The following UBE2E2 variants were observed in gnomAD, a reference collection of about 807,000 sequenced individuals.
The protein encoded by UBE2E2 is ubiquitin-conjugating enzyme E2 E2.
In UBE2E2, 6 loss-of-function variants were observed where a neutral mutation model predicts 24.7. The observed-to-expected ratio is 0.24, with a 90% CI of 0.13 to 0.48. The LOEUF is 0.48. Among genes scored for constraint, UBE2E2 ranks in the 20% least tolerant of loss-of-function variants. The pLI is 0.99. For synonymous variants in UBE2E2, 104 were observed against 83.6 expected, an observed-to-expected ratio of 1.24 and a Z score of -1.33; for missense variants, 169 against 245.0, an observed-to-expected ratio of 0.69 and a Z score of 2.07.
chr3:23,552,253 C>T (rs1007937755), intron 5 of UBE2E2, among the ~76,000 whole-genome samples: 2 of 152,116 alleles, frequency 1.3e-5, no homozygotes, highest in African/African-American at 2.4e-5. Context: ...ACTCGGAGGC[C>T]AAGGTAGAAA....
At chr3:23,384,808 T>C (rs925537324) in intron 3 of UBE2E2, among the ~76,000 whole-genome samples, 1 of 152,244 alleles carries the variant, frequency 6.6e-6, no homozygotes, top group Non-Finnish European at 1.5e-5. Context: ...CCAAAAGTGC[T>C]GGGATTACAG....
At chr3:23,565,074 T>C (rs1390890472) in intron 5 of UBE2E2, among the ~76,000 whole-genome samples, 1 of 151,844 alleles carries the variant, frequency 6.6e-6, no homozygotes, top group Non-Finnish European at 1.5e-5. Flanking sequence ...GTAAACAATA[T>C]ACACACACAC....
chr3:23,422,268 G>A (rs1466147215), intron 3 of UBE2E2, among the ~76,000 whole-genome samples: 2 of 152,134 alleles, frequency 1.3e-5, no homozygotes, highest in African/African-American at 4.8e-5. Context: ...TAGAGAGTAG[G>A]AGGTAAGTTG....
At chr3:23,430,569 C>T (rs1346655234) in intron 3 of UBE2E2, among the ~76,000 whole-genome samples, 3 of 151,930 alleles carry the variant, frequency 2.0e-5, no homozygotes, top group South Asian at 2.1e-4. Context: ...CACTCTGTCA[C>T]CCAGACTGAA....
At chr3:23,501,045 G>A (rs1257230283) in intron 4 of UBE2E2, among the ~76,000 whole-genome samples, 1 of 152,022 alleles carries the variant, frequency 6.6e-6, no homozygotes, top group Non-Finnish European at 1.5e-5. Context: ...TTTACTGGAT[G>A]GGACCCTTAT....
intron 3 of UBE2E2, among the ~76,000 whole-genome samples, chr3:23,346,577 A>T (rs1374821181): frequency 6.6e-6 from 1 of 152,242 alleles, no homozygotes; most frequent in Non-Finnish European, 1.5e-5. Context: ...TTCACTAAAG[A>T]CTGTGTAATG....
Position 23,591,104 on chromosome 3 carries a change from A to T in UBE2E2, c.*1273A>T, listed in dbSNP as rs1018727075. On this transcript the variant is annotated 3_prime_UTR_variant, in exon 6 of 6. Coordinates refer to ENST00000396703, the MANE Select transcript of UBE2E2 (RefSeq NM_152653.4). ...GTCTGTCTGGCTTCACCTTCAGGCTATTTTAGTGTGCAGCTATAGGAGGCA... is the reference window on the plus strand; with the variant it reads ...GTCTGTCTGGCTTCACCTTCAGGCTTTTTTAGTGTGCAGCTATAGGAGGCA... 1 of 152,164 alleles carries T rather than the reference A, an allele frequency of 6.6e-6. No individual in the cohort carries two copies. Among genetic ancestry groups the T allele is most frequent in the African/African-American group, 2.4e-5 (1 of 41,424 alleles). 9.4% of individuals were successfully genotyped at this position (152,164 alleles called of 1,614,324 possible).
chr3:23,286,670 T>C lies in UBE2E2; in HGVS notation c.227+69358T>C, dbSNP rs114713693. Among the ~76,000 whole-genome samples, 559 of 152,326 alleles carry C rather than the reference T, an allele frequency of 3.7e-3. 4 individuals are homozygous for C. Among genetic ancestry groups the C allele is most frequent in the African/African-American group, 0.013 (534 of 41,582 alleles). The stretch of plus-strand genomic sequence containing the variant: ...TTCCATACACATTTTAGGATTACTT[T>C]TTCTGTTTCTGTGGAGAATGTCGTT... On this transcript the variant is annotated intron_variant, in intron 3 of 5. Coordinates refer to ENST00000396703, the MANE Select transcript of UBE2E2 (RefSeq NM_152653.4).
chr3:23,271,136 T>C (rs1698229940), intron 3 of UBE2E2: 1 of 424,230 alleles, frequency 2.4e-6, no homozygotes. Flanking sequence ...TGTATTCTAA[T>C]GGACCTTCAA....
At chr3:23,338,519 A>C (rs948188993) in intron 3 of UBE2E2, among the ~76,000 whole-genome samples, 3 of 152,194 alleles carry the variant, frequency 2.0e-5, no homozygotes, top group African/African-American at 7.2e-5. Flanking sequence ...AGCTCCAGTC[A>C]ATACACCCAG....
chr3:23,218,501 A>C lies in UBE2E2; in HGVS notation c.227+1189A>C, dbSNP rs1482256429. Among the ~76,000 whole-genome samples the C allele has an allele frequency of 2.0e-5, 3 of 152,096 alleles. No individual in the cohort carries two copies. In the East Asian group the frequency reaches 5.8e-4, roughly 29 times the overall value. On this transcript the variant is annotated intron_variant, in intron 3 of 5. Transcript: ENST00000396703. ...TTGTGGAAAAACCCCAGTTTGAATT[A>C]AACCTAACATCCTTTGTTTCTTAGG...
rs912486444 is a variant in UBE2E2 at position 23,590,982 on chromosome 3, T to C, written c.*1151T>C. 6.6e-6 allele frequency: 1 copy of C among 152,264 alleles called. No homozygotes were observed. The highest frequency in any genetic ancestry group is 1.9e-4 in the East Asian group (1 of 5,204). The allele number at this position is 152,264 out of a possible 1,614,324, so 9.4% of individuals were successfully genotyped here. A position where few individuals can be genotyped will look rare whatever the true frequency, so the allele number is the denominator to read the frequency against. On this transcript the variant is annotated 3_prime_UTR_variant, in exon 6 of 6. Transcript: ENST00000396703. ...TTTGTATTGTTCATTTTTGTTGTTG[T>C]TGTTGTTGTTGTTGCTGCTCTTTTT...
intron 3 of UBE2E2, among the ~76,000 whole-genome samples, chr3:23,477,682 TG>T (rs1234469172): frequency 6.6e-6 from 1 of 152,242 alleles, no homozygotes; most frequent in East Asian, 1.9e-4. Flanking sequence ...GATTTCTCCG[TG>T]TTACTGAAGA....
intron 3 of UBE2E2, among the ~76,000 whole-genome samples, chr3:23,290,867 C>CTGT (rs1164428581): frequency 8.1e-6 from 1 of 123,538 alleles, no homozygotes; most frequent in Admixed American, 9.2e-5. Flanking sequence ...TCAGCCTGGG[C>CTGT]AACATAGCAG....
At chr3:23,394,628 A>G (rs1697031347) in intron 3 of UBE2E2, among the ~76,000 whole-genome samples, 1 of 152,194 alleles carries the variant, frequency 6.6e-6, no homozygotes, top group Non-Finnish European at 1.5e-5. Context: ...CTCTGTCCCT[A>G]CCGTTAATCC....
chr3:23,414,866 C>A (rs1697585848), intron 3 of UBE2E2, among the ~76,000 whole-genome samples: 1 of 152,208 alleles, frequency 6.6e-6, no homozygotes, highest in African/African-American at 2.4e-5. Flanking sequence ...CATACAGAAT[C>A]TGCTCATGTC....
intron 3 of UBE2E2, among the ~76,000 whole-genome samples, chr3:23,494,419 T>C (rs1185524869): frequency 6.6e-6 from 1 of 152,228 alleles, no homozygotes; most frequent in Non-Finnish European, 1.5e-5. Flanking sequence ...ATTAATGAGC[T>C]ATTTTACTTT....
At chr3:23,352,837 C>G (rs1286983882) in intron 3 of UBE2E2, among the ~76,000 whole-genome samples, 2 of 152,194 alleles carry the variant, frequency 1.3e-5, no homozygotes, top group Non-Finnish European at 2.9e-5. Flanking sequence ...CTTTCTGAAA[C>G]TATTCCAATC....
chr3:23,387,399 T>C (rs1229157969), intron 3 of UBE2E2, among the ~76,000 whole-genome samples: 1 of 152,234 alleles, frequency 6.6e-6, no homozygotes. Flanking sequence ...GCTACTCTTT[T>C]ATTGTGTCTG....
Sources: gnomAD v4.1 joint callset for allele counts (sites outside exome capture counted in the v4.1 genomes callset) on GRCh38, gnomAD v4.1.1 for gene constraint, MANE v1.5 for transcripts, NCBI Gene and HGNC (gene_info 2026-07-23, HGNC 2026-07-21) for gene names.